C1orf21: variants seen among roughly 807,000 people sequenced by gnomAD.
C1orf21 encodes uncharacterized protein C1orf21.
A neutral mutation model predicts 18.7 loss-of-function variants in C1orf21; 3 were observed. The observed-to-expected ratio is 0.16, with a 90% CI of 0.07 to 0.42. C1orf21 has a LOEUF of 0.42. Ranked by LOEUF, C1orf21 falls within the 10% of genes least tolerant of loss-of-function variation. The pLI, the probability that C1orf21 is intolerant of heterozygous loss-of-function variation, is 0.99. For missense variants in C1orf21, 104 were observed against 143.6 expected (o/e 0.72, Z 1.41); for synonymous variants, 41 against 46.4 (o/e 0.88, Z 0.47).
chr1:184,598,517 A>C lies in C1orf21; in HGVS notation c.327+56A>C, dbSNP rs1659547200. 2.7e-6 allele frequency: 4 copies of C among 1,454,882 alleles called. No individual in the cohort carries two copies. In the Admixed American group the frequency reaches 7.4e-5, roughly 27 times the overall value. 90.1% of individuals were successfully genotyped at this position (1,454,882 alleles called of 1,614,324 possible). A position where few individuals can be genotyped will look rare whatever the true frequency, so the allele number is the denominator to read the frequency against. On this transcript the variant is annotated intron_variant, in intron 5 of 5. Coordinates refer to ENST00000235307, the MANE Select transcript of C1orf21 (RefSeq NM_030806.4). ...TCAAGGGAAGTATAGTAATGGCTTCATATGTGAGGGCAATAACATTCTTGT... is the reference window on the plus strand; with the variant it reads ...TCAAGGGAAGTATAGTAATGGCTTCCTATGTGAGGGCAATAACATTCTTGT...
intron 2 of C1orf21, among the ~76,000 whole-genome samples, chr1:184,484,423 C>T (rs1401276196): frequency 6.6e-6 from 1 of 152,218 alleles, no homozygotes; most frequent in African/African-American, 2.4e-5. Flanking sequence ...CTAATACCTT[C>T]AGAAGGTATC....
chr1:184,593,183 AT>A (rs751343508), intron 4 of C1orf21, among the ~76,000 whole-genome samples: 3 of 152,182 alleles, frequency 2.0e-5, no homozygotes, highest in Non-Finnish European at 2.9e-5. Flanking sequence ...CTTACTTAAC[AT>A]TGACACCCTG....
intron 1 of C1orf21, among the ~76,000 whole-genome samples, chr1:184,454,556 T>C (rs1306510656): frequency 6.6e-6 from 1 of 152,092 alleles, no homozygotes; most frequent in Non-Finnish European, 1.5e-5. Context: ...CAGGAGGTGA[T>C]TGGATCATGG....
chr1:184,609,011 T>G (rs1659690757), intron 5 of C1orf21, among the ~76,000 whole-genome samples: 1 of 152,200 alleles, frequency 6.6e-6, no homozygotes, highest in Non-Finnish European at 1.5e-5. Flanking sequence ...CAAATGCATG[T>G]GCTTCCTATT....
chr1:184,617,286 C>T (rs1309597781), intron 5 of C1orf21, among the ~76,000 whole-genome samples: 2 of 152,162 alleles, frequency 1.3e-5, no homozygotes, highest in African/African-American at 2.4e-5. Context: ...GTCCACTTTC[C>T]TTTCCTAATA....
At chr1:184,559,894 G>C (rs1305380496) in intron 3 of C1orf21, among the ~76,000 whole-genome samples, 1 of 152,102 alleles carries the variant, frequency 6.6e-6, no homozygotes, top group Non-Finnish European at 1.5e-5. Flanking sequence ...TAGGATTACA[G>C]GCGTGAGCCA....
chr1:184,557,188 A>G (rs753256427), intron 3 of C1orf21, among the ~76,000 whole-genome samples: 1 of 152,078 alleles, frequency 6.6e-6, no homozygotes, highest in Non-Finnish European at 1.5e-5. Context: ...GAACTGTGCC[A>G]TTATTGTTCT....
In C1orf21 at chr1:184,619,594, G is replaced by T; in HGVS notation, c.*38G>T. On this transcript the variant is annotated 3_prime_UTR_variant, in exon 6 of 6. Transcript: ENST00000235307. ...CACTCAAACCAGGAGCTACTACTGTGTAAATAGGTTACACCCCAGTTGAAA... is the reference window on the plus strand; with the variant it reads ...CACTCAAACCAGGAGCTACTACTGTTTAAATAGGTTACACCCCAGTTGAAA... 1 of 1,598,240 alleles carries T rather than the reference G, an allele frequency of 6.3e-7. No homozygotes were observed. The highest frequency in any genetic ancestry group is 2.2e-5 in the East Asian group (1 of 44,738).
chr1:184,407,977 G>C (rs1656276390), intron 1 of C1orf21, among the ~76,000 whole-genome samples: 1 of 152,182 alleles, frequency 6.6e-6, no homozygotes, highest in African/African-American at 2.4e-5. Flanking sequence ...TGGATGCCAG[G>C]TGAGAAAGGA....
intron 5 of C1orf21, among the ~76,000 whole-genome samples, chr1:184,608,943 G>A (rs1246498131): frequency 6.6e-6 from 1 of 152,114 alleles, no homozygotes; most frequent in Non-Finnish European, 1.5e-5. Flanking sequence ...CTAGTCCATT[G>A]TTCTCTGCCT....
chr1:184,461,129 T>C (rs1657301843), intron 1 of C1orf21, among the ~76,000 whole-genome samples: 1 of 152,158 alleles, frequency 6.6e-6, no homozygotes, highest in South Asian at 2.1e-4. Flanking sequence ...AATCAGGCTT[T>C]GAACTTCCTT....
intron 2 of C1orf21, among the ~76,000 whole-genome samples, chr1:184,488,911 G>GC (rs1286321026): frequency 2.6e-5 from 4 of 152,150 alleles, no homozygotes; most frequent in Non-Finnish European, 4.4e-5. Context: ...GTTGCAGTGA[G>GC]CCAAGATCAT....
At chr1:184,485,304 T>G (rs1657717288) in intron 2 of C1orf21, among the ~76,000 whole-genome samples, 1 of 152,156 alleles carries the variant, frequency 6.6e-6, no homozygotes, top group Admixed American at 6.5e-5. Flanking sequence ...TAAAATAGCT[T>G]ATTAATAATT....
chr1:184,603,145 T>C (rs1023974801), intron 5 of C1orf21, among the ~76,000 whole-genome samples: 3 of 152,250 alleles, frequency 2.0e-5, no homozygotes, highest in Admixed American at 1.3e-4. Context: ...ATTTCTTTCT[T>C]ATGTATTTTG....
At chr1:184,561,443 C>G (rs977584859) in intron 3 of C1orf21, among the ~76,000 whole-genome samples, 1 of 152,182 alleles carries the variant, frequency 6.6e-6, no homozygotes, top group Non-Finnish European at 1.5e-5. Context: ...AAGCCAAGAC[C>G]TGGCATTTTA....
At chr1:184,502,989 G>A (rs1657999906) in intron 2 of C1orf21, among the ~76,000 whole-genome samples, 1 of 146,354 alleles carries the variant, frequency 6.8e-6, no homozygotes, top group Admixed American at 7.0e-5. Context: ...GAGGTGGGAG[G>A]ATCACTTGAG....
intron 3 of C1orf21, among the ~76,000 whole-genome samples, chr1:184,528,434 C>CTTCTTTTCTT (rs372421956): frequency 6.6e-6 from 1 of 151,728 alleles, no homozygotes; most frequent in Non-Finnish European, 1.5e-5. Flanking sequence ...TATCATTTTC[C>CTTCTTTTCTT]TTCTTTTCTT....
At chr1:184,457,849 C>A (rs1051593573) in intron 1 of C1orf21, among the ~76,000 whole-genome samples, 1 of 152,142 alleles carries the variant, frequency 6.6e-6, no homozygotes, top group East Asian at 1.9e-4. Flanking sequence ...GCCATTTTAT[C>A]ATTTAAAGGC....
chr1:184,425,360 G>C (rs1419571410), intron 1 of C1orf21, among the ~76,000 whole-genome samples: 1 of 151,758 alleles, frequency 6.6e-6, no homozygotes, highest in African/African-American at 2.4e-5. Flanking sequence ...CCACCTCCTG[G>C]GTTCAAGCAA....
Sources: allele counts gnomAD v4.1 joint callset (sites outside exome capture counted in the v4.1 genomes callset), GRCh38; gene constraint gnomAD v4.1.1; transcripts MANE v1.5; gene names NCBI Gene and HGNC (gene_info 2026-07-23, HGNC 2026-07-21).